Variants in PLEKHA7 observed in about 807,000 individuals in gnomAD.
PLEKHA7 encodes pleckstrin homology domain containing A7.
Under a neutral mutation model 170.0 loss-of-function variants are expected in PLEKHA7, and 104 were observed. The ratio of observed to expected loss-of-function variants is 0.61; its 90% CI spans 0.52 to 0.72. PLEKHA7 has a LOEUF of 0.72. PLEKHA7 is among the 30% of genes least tolerant of loss of function. PLEKHA7 has a pLI of 0.00. For synonymous variants in PLEKHA7, 648 were observed against 660.8 expected (o/e 0.98, Z 0.30); for missense variants, 1,615 against 1,671.7 (o/e 0.97, Z 0.59).
chr11:16,839,851 C>T (rs11024052), intron 9 of PLEKHA7, among the ~76,000 whole-genome samples: 1 of 151,708 alleles, frequency 6.6e-6, no homozygotes, highest in Admixed American at 6.6e-5. Flanking sequence ...ATACTGTAAA[C>T]ATATATATAT....
intron 9 of PLEKHA7, among the ~76,000 whole-genome samples, chr11:16,832,469 T>C (rs553761382): frequency 5.3e-5 from 8 of 152,366 alleles, no homozygotes; most frequent in African/African-American, 1.7e-4. Flanking sequence ...CTTATTTCTT[T>C]TCTTCACAAG....
rs746705855 is a variant in PLEKHA7 at position 16,826,336 on chromosome 11, T to C, written c.1127A>G (p.Asp376Gly). ...SPAEEDALFM[D>G]LPTGPRGQQA... The stretch of plus-strand genomic sequence containing the variant: ...CTGGCCTCTTGGGCCAGTGGGTAAA[T>C]CCATAAACAAGGCATCCTCCTCGGC... Residue 376 changes from aspartate to glycine, a missense_variant, in exon 10 of 27, where the codon GAT becomes GGT. Transcript: ENST00000531066. 3.1e-6 allele frequency: 5 copies of C among 1,614,172 alleles called. No homozygotes were observed. Among genetic ancestry groups the C allele is most frequent in the Non-Finnish European group, 3.4e-6 (4 of 1,180,036 alleles).
chr11:16,937,670 G>A (rs1435252216), intron 3 of PLEKHA7, among the ~76,000 whole-genome samples: 4 of 151,662 alleles, frequency 2.6e-5, no homozygotes, highest in African/African-American at 4.8e-5. Context: ...GTGCAATGGC[G>A]CCATCTCAGC....
chr11:16,836,085 A>T (rs1851490012), intron 9 of PLEKHA7, among the ~76,000 whole-genome samples: 2 of 152,054 alleles, frequency 1.3e-5, no homozygotes. Flanking sequence ...TGTAAACTAA[A>T]CCTGTCTAAT....
At chr11:16,926,458 C>T (rs1859552516) in intron 3 of PLEKHA7, among the ~76,000 whole-genome samples, 1 of 152,182 alleles carries the variant, frequency 6.6e-6, no homozygotes, top group Admixed American at 6.5e-5. Flanking sequence ...TAGTATATGC[C>T]AGGAGCAACA....
At chr11:16,835,982 C>T (rs1303044956) in intron 9 of PLEKHA7, among the ~76,000 whole-genome samples, 5 of 152,182 alleles carry the variant, frequency 3.3e-5, no homozygotes, top group African/African-American at 1.2e-4. Context: ...GATAGGGCTC[C>T]ACCCCTGGTT....
In PLEKHA7 at chr11:16,826,609, A is replaced by G. The variant is rs767989643; in HGVS notation, c.873-19T>C. The G allele has an allele frequency of 1.0e-5, 16 of 1,596,884 alleles. No individual in the cohort carries two copies. The highest frequency in any genetic ancestry group is 2.2e-5 in the South Asian group (2 of 89,422). On this transcript the variant is annotated intron_variant, in intron 9 of 26. Coordinates refer to ENST00000531066, the MANE Select transcript of PLEKHA7 (RefSeq NM_001329630.2). ...CATATCCCTGCAATGACAGCAGCAC[A>G]TTCAGTTTGCTCCACAGCCAAGACT...
intron 3 of PLEKHA7, among the ~76,000 whole-genome samples, chr11:16,940,432 C>T (rs1240381684): frequency 6.6e-6 from 1 of 151,968 alleles, no homozygotes; most frequent in Non-Finnish European, 1.5e-5. Flanking sequence ...GGACTACAGG[C>T]AGGTGCCACC....
chr11:16,828,964 A>C (rs1850883871), intron 9 of PLEKHA7, among the ~76,000 whole-genome samples: 2 of 152,202 alleles, frequency 1.3e-5, no homozygotes, highest in South Asian at 4.1e-4. Flanking sequence ...ACCATATGTA[A>C]ACCAGATATC....
intron 3 of PLEKHA7, among the ~76,000 whole-genome samples, chr11:16,965,786 T>C (rs1024236582): frequency 6.6e-6 from 1 of 152,198 alleles, no homozygotes; most frequent in African/African-American, 2.4e-5. Flanking sequence ...AACAAAATAC[T>C]AAGTATCTAT....
rs61086849 is a variant in PLEKHA7, at chr11:16,889,420, A to AAAT, written c.222-18239_222-18238insATT. ...TTGCTCAAAAAAAAAAAAAAAAAAA[A>AAAT]ATATATATATATATATATATATATA... On this transcript the variant is annotated intron_variant, in intron 3 of 26. Transcript: ENST00000531066. Among the ~76,000 whole-genome samples the AAAT allele has an allele frequency of 1.3e-3, 98 of 74,670 alleles. 2 individuals carry two copies. The East Asian group carries it at 0.016, about 12-fold the overall frequency. The allele number at this position is 74,670 out of a possible 152,430, so 49.0% of individuals were successfully genotyped here.
At chr11:16,841,458 A>C in intron 9 of PLEKHA7, 89 bp downstream of exon 9, 1 of 1,408,338 alleles carries the variant, frequency 7.1e-7, no homozygotes, top group Non-Finnish European at 9.7e-7. Flanking sequence ...CAAGTGAGTA[A>C]ATGGAATCTC....
intron 3 of PLEKHA7, among the ~76,000 whole-genome samples, chr11:16,890,502 G>A (rs1279110366): frequency 1.3e-5 from 2 of 152,174 alleles, no homozygotes; most frequent in African/African-American, 4.8e-5. Flanking sequence ...ACTTATATCA[G>A]ATAAAACAGA....
At chr11:17,008,700 T>A (rs1865156670) in intron 3 of PLEKHA7, among the ~76,000 whole-genome samples, 1 of 152,182 alleles carries the variant, frequency 6.6e-6, no homozygotes, top group Admixed American at 6.5e-5. Flanking sequence ...ATAAGATGCC[T>A]GCCTTCAAGG....
At chr11:16,920,451 C>G (rs1359516928) in intron 3 of PLEKHA7, among the ~76,000 whole-genome samples, 3 of 151,498 alleles carry the variant, frequency 2.0e-5, no homozygotes, top group Non-Finnish European at 4.4e-5. Flanking sequence ...ACAAACAAAA[C>G]AAAGAGAAAA....
intron 3 of PLEKHA7, among the ~76,000 whole-genome samples, chr11:16,951,968 C>A (rs997475600): frequency 6.6e-6 from 1 of 152,186 alleles, no homozygotes; most frequent in African/African-American, 2.4e-5. Context: ...AGGAATGGAA[C>A]CTGTGAGGTA....
chr11:16,969,510 A>G (rs1247877671), intron 3 of PLEKHA7, among the ~76,000 whole-genome samples: 1 of 152,170 alleles, frequency 6.6e-6, no homozygotes, highest in Non-Finnish European at 1.5e-5. Flanking sequence ...GCCAGTCACC[A>G]ATTCTACATA....
intron 4 of PLEKHA7, among the ~76,000 whole-genome samples, chr11:16,858,454 C>T (rs1853654534): frequency 6.6e-6 from 1 of 152,004 alleles, no homozygotes; most frequent in African/African-American, 2.4e-5. Flanking sequence ...GGACAAATAG[C>T]TACTTTTGCC....
chr11:16,818,384 T>C lies in PLEKHA7; in HGVS notation c.1344-1062A>G, dbSNP rs369346625. ...ACTAACGTGTGTACCCTTCCTGCCC[T>C]TCTTACTCTTATAACACTGTTCTTC... On this transcript the variant is annotated intron_variant, in intron 10 of 26. Coordinates refer to ENST00000531066, the MANE Select transcript of PLEKHA7 (RefSeq NM_001329630.2). Among the ~76,000 whole-genome samples the C allele has an allele frequency of 2.6e-5, 4 of 152,318 alleles. No individual in the cohort carries two copies. The East Asian group carries it at 5.8e-4, about 22-fold the overall frequency.
Sources: gnomAD v4.1 joint callset for allele counts (sites outside exome capture counted in the v4.1 genomes callset) on GRCh38, gnomAD v4.1.1 for gene constraint, MANE v1.5 for transcripts, NCBI Gene and HGNC (gene_info 2026-07-23, HGNC 2026-07-21) for gene names.